The following ZMYND8 variants were observed in gnomAD, a reference collection of about 807,000 sequenced individuals.
ZMYND8 encodes the protein MYND-type zinc finger-containing chromatin reader ZMYND8.
In ZMYND8, 37 loss-of-function variants were observed where a neutral mutation model predicts 140.8. That is an observed-to-expected ratio of 0.26 (90% CI 0.20 to 0.35). The LOEUF (loss-of-function observed/expected upper bound fraction) is 0.35, where lower values mean the gene tolerates loss of function less well. ZMYND8 is among the 10% of genes least tolerant of loss of function. The pLI is 1.00. For missense variants in ZMYND8, 1,068 were observed against 1,570.0 expected, an observed-to-expected ratio of 0.68 and a Z score of 5.40; for synonymous variants, 592 against 597.1, an observed-to-expected ratio of 0.99 and a Z score of 0.12.
Position 47,276,399 on chromosome 20 carries a change from G to A in ZMYND8, c.1395C>T (p.Asp465=), listed in dbSNP as rs757103875. 1.1e-4 allele frequency: 184 copies of A among 1,610,842 alleles called. No homozygotes were observed. The highest frequency in any genetic ancestry group is 8.3e-4 in the Middle Eastern group (5 of 6,046). Residue 465 remains aspartate (D), a synonymous_variant, in exon 11 of 23, where the codon GAC becomes GAT. Transcript: ENST00000471951. The part of the protein sequence containing the change: ...STNSSVHTGS[D]VEQDAEKKAT... ...CCTTCTTCTCAGCATCCTGCTCCAC[G>A]TCGGAGCCCGTGTGCACAGAAGAGT... is the stretch of plus-strand genomic sequence containing the variant.
chr20:47,212,438 A>G (rs1279687427), intron 22 of ZMYND8, among the ~76,000 whole-genome samples: 1 of 152,220 alleles, frequency 6.6e-6, no homozygotes, highest in Non-Finnish European at 1.5e-5. Flanking sequence ...GCCAGGCCAC[A>G]TGCTCGCTCT....
chr20:47,211,397 G>A (rs2035236611), intron 22 of ZMYND8, among the ~76,000 whole-genome samples: 1 of 152,170 alleles, frequency 6.6e-6, no homozygotes, highest in African/African-American at 2.4e-5. Context: ...CCAAGGGAAA[G>A]GATCATAAAG....
At chr20:47,306,305 G>A (rs1005189891) in intron 3 of ZMYND8, among the ~76,000 whole-genome samples, 1 of 152,102 alleles carries the variant, frequency 6.6e-6, no homozygotes, top group African/African-American at 2.4e-5. Context: ...TGAGGGAAGA[G>A]AATTGCTTGA....
chr20:47,274,493 C>T (rs1418397791), intron 11 of ZMYND8, among the ~76,000 whole-genome samples: 2 of 152,028 alleles, frequency 1.3e-5, no homozygotes, highest in Non-Finnish European at 2.9e-5. Flanking sequence ...ATTAATGTGC[C>T]GAAGGATTGT....
intron 1 of ZMYND8, chr20:47,348,772 G>A (rs1484933308): frequency 6.6e-6 from 1 of 152,142 alleles, no homozygotes; most frequent in Non-Finnish European, 1.5e-5. Flanking sequence ...GGCCATATCA[G>A]ATCTTCCTCC....
At chr20:47,255,716 A>T (rs796865677) in intron 12 of ZMYND8, among the ~76,000 whole-genome samples, 1 of 28,694 alleles carries the variant, frequency 3.5e-5, no homozygotes, top group Non-Finnish European at 5.8e-5. Flanking sequence ...TATACCGTGT[A>T]TGTGTGTATA....
At chr20:47,212,620 C>G (rs763214365) in intron 22 of ZMYND8, 22 bp downstream of exon 22, 1 of 1,613,280 alleles carries the variant, frequency 6.2e-7, no homozygotes, top group Non-Finnish European at 8.5e-7. Flanking sequence ...CGGCAGCTTT[C>G]GTAAGACAGG....
chr20:47,260,461 ACACACCCAGTTACTCCTATAG>A (rs1301482191), intron 12 of ZMYND8, among the ~76,000 whole-genome samples: 1 of 151,260 alleles, frequency 6.6e-6, no homozygotes, highest in Non-Finnish European at 1.5e-5. Flanking sequence ...TAATCCTACA[ACACACCCAGTTACTCCTATAG>A]CACACCAACT....
chr20:47,338,485 C>T (rs1050091869), intron 2 of ZMYND8, among the ~76,000 whole-genome samples: 1 of 152,086 alleles, frequency 6.6e-6, no homozygotes, highest in African/African-American at 2.4e-5. Flanking sequence ...ACGCTGAGAT[C>T]ACTGGGACTG....
At chr20:47,349,858 C>T (rs1045051728) in intron 1 of ZMYND8, 6 of 1,535,450 alleles carry the variant, frequency 3.9e-6, no homozygotes, top group Middle Eastern at 1.7e-4. Context: ...AAAAAAAACC[C>T]ACTTGAAGGA....
chr20:47,312,772 A>G (rs1601826304), intron 2 of ZMYND8, among the ~76,000 whole-genome samples: 2 of 150,882 alleles, frequency 1.3e-5, no homozygotes, highest in Non-Finnish European at 3.0e-5. Flanking sequence ...TCTGGGCGAC[A>G]GAGCGAGACT....
chr20:47,213,427 A>C (rs1422081772), intron 21 of ZMYND8, among the ~76,000 whole-genome samples: 1 of 152,276 alleles, frequency 6.6e-6, no homozygotes, highest in African/African-American at 2.4e-5. Flanking sequence ...GAATATAATC[A>C]CAGTACACTA....
intron 17 of ZMYND8, among the ~76,000 whole-genome samples, 161 bp downstream of exon 17, chr20:47,229,565 A>G (rs1235912387): frequency 6.6e-6 from 1 of 152,210 alleles, no homozygotes; most frequent in African/African-American, 2.4e-5. Flanking sequence ...GTCTGGCTAA[A>G]GGAAAAAATA....
intron 12 of ZMYND8, among the ~76,000 whole-genome samples, chr20:47,258,587 C>T (rs1258076778): frequency 6.6e-6 from 1 of 152,212 alleles, no homozygotes; most frequent in East Asian, 1.9e-4. Flanking sequence ...TATCACTCAT[C>T]TGTTCCCCAT....
chr20:47,239,089 C>CGGG lies in ZMYND8; in HGVS notation c.2331_2333dup (p.Pro778dup). 2 of 1,525,950 alleles carry CGGG rather than the reference C, an allele frequency of 1.3e-6. No homozygotes were observed. Among genetic ancestry groups the CGGG allele is most frequent in the Non-Finnish European group, 1.8e-6 (2 of 1,138,780 alleles). 94.5% of individuals were successfully genotyped at this position (1,525,950 alleles called of 1,614,324 possible). ...AAGAGCGGGTGAGCACCGGTGTTTC[C>CGGG]GGGGGAGAATGGCTGCCCACCGTCG... On this transcript the variant is annotated inframe_insertion, in exon 15 of 23. Transcript: ENST00000471951.
chr20:47,271,140 G>A (rs1345588160), intron 11 of ZMYND8, among the ~76,000 whole-genome samples: 1 of 152,116 alleles, frequency 6.6e-6, no homozygotes, highest in Admixed American at 6.6e-5. Context: ...CTCCTATGTG[G>A]CAAGAACCAG....
chr20:47,279,259 C>T (rs1341363094), intron 10 of ZMYND8, among the ~76,000 whole-genome samples: 1 of 152,094 alleles, frequency 6.6e-6, no homozygotes, highest in Admixed American at 6.6e-5. Context: ...CACGTGAGGT[C>T]AGGAGCTTGA....
Position 47,285,921 on chromosome 20 carries a change from T to C in ZMYND8, c.804+1308A>G, listed in dbSNP as rs1048522690. On this transcript the variant is annotated intron_variant, in intron 8 of 22. Coordinates refer to ENST00000471951, the MANE Select transcript of ZMYND8 (RefSeq NM_001281775.3). ...ATATACAGACATAAGCCGGGCTTGG[T>C]GGCTGAGGCCTATATTCCCAGCGTC... The C allele has an allele frequency of 3.5e-6, 3 of 849,324 alleles. No individual in the cohort carries two copies. The African/African-American group carries it at 5.5e-5, about 16-fold the overall frequency. The allele number at this position is 849,324 out of a possible 1,614,324, so 52.6% of individuals were successfully genotyped here. A position where few individuals can be genotyped will look rare whatever the true frequency, so the allele number is the denominator to read the frequency against.
At position 47,309,329 on chromosome 20, in the gene ZMYND8, TAG is replaced by T. The variant is rs548319942; in HGVS notation, c.234+725_234+726del. On this transcript the variant is annotated intron_variant, in intron 3 of 22. Coordinates refer to ENST00000471951, the MANE Select transcript of ZMYND8 (RefSeq NM_001281775.3). ...CCTTCATTTTTTTTTTTTTCTGAGA[TAG>T]AGTCTCGCTCTGTCACCAGGCTGGA... is the stretch of plus-strand genomic sequence containing the variant. 1.4e-3 allele frequency among the ~76,000 whole-genome samples: 218 copies of T among 151,660 alleles called. 1 individual carries two copies. Among genetic ancestry groups the T allele is most frequent in the Non-Finnish European group, 2.4e-3 (160 of 67,870 alleles).
Sources: gnomAD v4.1 joint callset for allele counts (sites outside exome capture counted in the v4.1 genomes callset) on GRCh38, gnomAD v4.1.1 for gene constraint, MANE v1.5 for transcripts, NCBI Gene and HGNC (gene_info 2026-07-23, HGNC 2026-07-21) for gene names.